HIVEP3: variants seen among roughly 807,000 people sequenced by gnomAD.
The protein encoded by HIVEP3 is transcription factor HIVEP3.
In HIVEP3, 49 loss-of-function variants were observed where a neutral mutation model predicts 152.8. The observed-to-expected ratio is 0.32, with a 90% CI of 0.26 to 0.41. The LOEUF (loss-of-function observed/expected upper bound fraction) is 0.41, where lower values mean the gene tolerates loss of function less well. HIVEP3 is among the 10% of genes least tolerant of loss of function. The probability of loss-of-function intolerance (pLI) is 1.00; values close to 1 mark genes in which losing one functional copy is unlikely to be tolerated. For synonymous variants in HIVEP3, 1,269 were observed against 1,289.0 expected (o/e 0.98, Z 0.33); for missense variants, 2,790 against 3,103.3 (o/e 0.90, Z 2.40).
chr1:41,932,005 ACATCTTG>A (rs1644998355), intron 1 of HIVEP3, among the ~76,000 whole-genome samples: 1 of 151,824 alleles, frequency 6.6e-6, no homozygotes, highest in African/African-American at 2.4e-5. Context: ...ATAAGAGAGA[ACATCTTG>A]CATTGTTTTT....
chr1:42,012,302 C>T (rs1377040304), intron 1 of HIVEP3, among the ~76,000 whole-genome samples: 2 of 152,070 alleles, frequency 1.3e-5, no homozygotes. Context: ...TGTTTGCGTA[C>T]CCCCCAAATT....
chr1:41,967,339 T>G (rs1003065037), intron 1 of HIVEP3, among the ~76,000 whole-genome samples: 1 of 152,166 alleles, frequency 6.6e-6, no homozygotes, highest in Non-Finnish European at 1.5e-5. Flanking sequence ...ACTGAAATCA[T>G]AGCAAACAAT....
chr1:41,841,935 A>C (rs1643301136), intron 1 of HIVEP3, among the ~76,000 whole-genome samples: 4 of 152,224 alleles, frequency 2.6e-5, no homozygotes, highest in African/African-American at 7.2e-5. Context: ...TCTACTAAAA[A>C]TACAAAACTT....
intron 3 of HIVEP3, among the ~76,000 whole-genome samples, chr1:41,610,853 T>C (rs1451990965): frequency 1.3e-5 from 2 of 152,234 alleles, no homozygotes; most frequent in Non-Finnish European, 2.9e-5. Context: ...TTTGTGTGCC[T>C]GAGGGGAGCA....
Position 41,518,308 on chromosome 1 carries a change from CAGAA to C in HIVEP3, c.5470+90_5470+93del, listed in dbSNP as rs974217887. On this transcript the variant is annotated intron_variant, in intron 7 of 8. Transcript: ENST00000372583. ...AGGAGGGGGAATGGGGCAAAGCAGACAGAAAGGAAGCAGGGAAGGCAAGCAGGAA... is the reference window on the plus strand; with the variant it reads ...AGGAGGGGGAATGGGGCAAAGCAGACAGGAAGCAGGGAAGGCAAGCAGGAA... The C allele has an allele frequency of 4.2e-4, 443 of 1,052,570 alleles. 7 individuals are homozygous for C. The highest frequency in any genetic ancestry group is 2.3e-3 in the South Asian group (184 of 79,666). The allele number at this position is 1,052,570 out of a possible 1,614,324, so 65.2% of individuals were successfully genotyped here. A position where few individuals can be genotyped will look rare whatever the true frequency, so the allele number is the denominator to read the frequency against.
intron 1 of HIVEP3, among the ~76,000 whole-genome samples, chr1:42,029,670 C>T (rs1022248856): frequency 6.6e-6 from 1 of 152,182 alleles, no homozygotes. Flanking sequence ...AGACCCAGGT[C>T]TTCACACCAA....
intron 1 of HIVEP3, among the ~76,000 whole-genome samples, chr1:41,753,593 G>A (rs1208734143): frequency 1.3e-5 from 2 of 151,898 alleles, no homozygotes; most frequent in African/African-American, 4.8e-5. Flanking sequence ...ACTTGAACTC[G>A]GGAGGCGGAG....
intron 1 of HIVEP3, among the ~76,000 whole-genome samples, chr1:41,720,111 C>T (rs181634708): frequency 2.6e-3 from 399 of 152,306 alleles, no homozygotes; most frequent in African/African-American, 9.2e-3. Context: ...ACTTGCTTTC[C>T]TACGTCTCCC....
chr1:42,008,230 T>C (rs1481345580), intron 1 of HIVEP3, among the ~76,000 whole-genome samples: 2 of 152,292 alleles, frequency 1.3e-5, no homozygotes, highest in East Asian at 3.9e-4. Flanking sequence ...ACTTGAAGAA[T>C]AATGTTTCAA....
chr1:41,964,968 C>T (rs1645189595), intron 1 of HIVEP3, among the ~76,000 whole-genome samples: 1 of 152,138 alleles, frequency 6.6e-6, no homozygotes, highest in African/African-American at 2.4e-5. Context: ...GTGAGACCCA[C>T]CCCCCTCAAC....
At chr1:41,633,998 C>G (rs1046510668) in intron 2 of HIVEP3, among the ~76,000 whole-genome samples, 6 of 152,078 alleles carry the variant, frequency 3.9e-5, no homozygotes, top group African/African-American at 2.4e-5. Context: ...TCATTTACAA[C>G]AGGGCAGACC....
chr1:41,875,671 C>T (rs980537305), intron 1 of HIVEP3, among the ~76,000 whole-genome samples: 5 of 152,192 alleles, frequency 3.3e-5, no homozygotes, highest in African/African-American at 1.2e-4. Flanking sequence ...TTACTCATGA[C>T]CCCAGGCTCT....
intron 1 of HIVEP3, among the ~76,000 whole-genome samples, chr1:41,701,513 G>T (rs866715602): frequency 1.3e-5 from 2 of 152,184 alleles, no homozygotes; most frequent in African/African-American, 4.8e-5. Context: ...GCCACAGGCT[G>T]GTGGGTTGCC....
intron 1 of HIVEP3, among the ~76,000 whole-genome samples, chr1:41,755,225 G>A (rs1265907881): frequency 6.6e-6 from 1 of 152,036 alleles, no homozygotes; most frequent in African/African-American, 2.4e-5. Context: ...TTTTTAACAA[G>A]CGGTGCTAGA....
Position 41,849,559 on chromosome 1 carries a change from T to C in HIVEP3, c.-801+68854A>G, listed in dbSNP as rs139322016. Among the ~76,000 whole-genome samples the C allele has an allele frequency of 7.2e-5, 11 of 152,320 alleles. No homozygotes were observed. In the East Asian group the frequency reaches 1.9e-3, roughly 27 times the overall value. On this transcript the variant is annotated intron_variant, in intron 1 of 8. Coordinates refer to ENST00000372583, the MANE Select transcript of HIVEP3 (RefSeq NM_024503.5). ...CCTAGCACAGGCCAGGAACATTTTC[T>C]GCTTTAGAGTCACAGGACTGTTCAC...
rs191610087 is a variant in HIVEP3, at chr1:41,552,783, C to A, written c.5207+22761G>T. Among the ~76,000 whole-genome samples, 478 of 152,282 alleles carry A rather than the reference C, an allele frequency of 3.1e-3. 3 individuals are homozygous for A. Among genetic ancestry groups the A allele is most frequent in the African/African-American group, 0.011 (446 of 41,562 alleles). The stretch of plus-strand genomic sequence containing the variant: ...GTATTTCTAGTTCTAGATCCCTGAA[C>A]TCACACCAGTTAGAATGGCAATCAT... On this transcript the variant is annotated intron_variant, in intron 5 of 8. Transcript: ENST00000372583.
At chr1:41,648,024 T>C (rs1292016228) in intron 2 of HIVEP3, among the ~76,000 whole-genome samples, 2 of 152,238 alleles carry the variant, frequency 1.3e-5, no homozygotes, top group Non-Finnish European at 2.9e-5. Flanking sequence ...AGGAGCCCTA[T>C]CTGGGAAGCT....
chr1:41,900,096 C>A (rs970300924), intron 1 of HIVEP3, among the ~76,000 whole-genome samples: 1 of 152,166 alleles, frequency 6.6e-6, no homozygotes, highest in Non-Finnish European at 1.5e-5. Flanking sequence ...AGAAAGCCTT[C>A]TCTGCCCAGG....
At position 41,665,000 on chromosome 1, in the gene HIVEP3, G is replaced by A. The variant is rs967134072; in HGVS notation, c.-721+35916C>T. ...GATGCCCCTGAGCCTTCCAAGCCATGCAGGCCTTTCCAGCGGTAGTCATTC... is the reference window on the plus strand; with the variant it reads ...GATGCCCCTGAGCCTTCCAAGCCATACAGGCCTTTCCAGCGGTAGTCATTC... On this transcript the variant is annotated intron_variant, in intron 2 of 8. Coordinates refer to ENST00000372583, the MANE Select transcript of HIVEP3 (RefSeq NM_024503.5). This position sits in a 1 kb window ranked among gnomAD's most constrained non-coding sequence, Gnocchi z 4.4. Among the ~76,000 whole-genome samples, 1 of 152,206 alleles carries A rather than the reference G, an allele frequency of 6.6e-6. No homozygotes were observed. The highest frequency in any genetic ancestry group is 1.5e-5 in the Non-Finnish European group (1 of 68,032).
Sources: allele counts gnomAD v4.1 joint callset (sites outside exome capture counted in the v4.1 genomes callset), GRCh38; gene constraint gnomAD v4.1.1; non-coding constraint Gnocchi (gnomAD v3.1); transcripts MANE v1.5; gene names NCBI Gene and HGNC (gene_info 2026-07-23, HGNC 2026-07-21).